CHD6: variants seen among roughly 807,000 people sequenced by gnomAD.
CHD6 encodes the protein ATP-dependent chromatin remodeler CHD6.
A neutral mutation model predicts 276.9 loss-of-function variants in CHD6; 50 were observed. The observed-to-expected ratio is 0.18, with a 90% CI of 0.14 to 0.23. The LOEUF is 0.23. Among genes scored for constraint, CHD6 ranks in the 10% least tolerant of loss-of-function variants. CHD6 has a pLI of 1.00. For synonymous variants in CHD6, 1,173 were observed against 1,229.3 expected (o/e 0.95, Z 0.96); for missense variants, 2,564 against 3,365.8 (o/e 0.76, Z 5.89).
chr20:41,499,480 C>G (rs1601016016), intron 5 of CHD6, 123 bp from the exon 6 acceptor site: 4 of 724,804 alleles, frequency 5.5e-6, no homozygotes, highest in Non-Finnish European at 8.8e-6. Context: ...GTACCAAGGC[C>G]TCCCATCAGG....
At chr20:41,516,724 GA>G (rs1219048533) in intron 3 of CHD6, among the ~76,000 whole-genome samples, 1 of 152,080 alleles carries the variant, frequency 6.6e-6, no homozygotes, top group Admixed American at 6.5e-5. Context: ...GAGCTCAAAG[GA>G]AAAATCAAGG....
At position 41,404,479 on chromosome 20, in the gene CHD6, C is replaced by G. The variant is rs80216136; in HGVS notation, c.*114G>C. 0.017 allele frequency: 23,989 copies of G among 1,389,484 alleles called. 296 individuals are homozygous for G. Among genetic ancestry groups the G allele is most frequent in the East Asian group, 0.05 (2,019 of 40,698 alleles). 86.1% of individuals were successfully genotyped at this position (1,389,484 alleles called of 1,614,324 possible). A position where few individuals can be genotyped will look rare whatever the true frequency, so the allele number is the denominator to read the frequency against. ...TAGTTCTCAGACAGGAAATCAGGTA[C>G]GTAATCTTACTTATGGAAACACAGG... On this transcript the variant is annotated 3_prime_UTR_variant, in exon 37 of 37. Transcript: ENST00000373233.
At position 41,452,336 on chromosome 20, in the gene CHD6, A is replaced by G. The variant is rs1223504394; in HGVS notation, c.3324-311T>C. Among the ~76,000 whole-genome samples the G allele has an allele frequency of 6.6e-6, 1 of 152,254 alleles. No individual in the cohort carries two copies. The highest frequency in any genetic ancestry group is 1.5e-5 in the Non-Finnish European group (1 of 68,056). On this transcript the variant is annotated intron_variant, in intron 21 of 36. Transcript: ENST00000373233. This position sits in a 1 kb window ranked among gnomAD's most constrained non-coding sequence, Gnocchi z 4.2. Reference sequence around the variant, plus strand: ...CAAAAAGAGTCCAACAGCACTATTCAAAAGCAATGATGAGCTCATGGCAGC... The same window carrying G: ...CAAAAAGAGTCCAACAGCACTATTCGAAAGCAATGATGAGCTCATGGCAGC...
At chr20:41,591,377 T>C (rs761328041) in intron 1 of CHD6, among the ~76,000 whole-genome samples, 1,339 of 122,848 alleles carry the variant, frequency 0.011, 6 homozygotes, top group Non-Finnish European at 0.014. Context: ...TATATATATA[T>C]ATACACACAC....
intron 3 of CHD6, among the ~76,000 whole-genome samples, chr20:41,518,541 G>A (rs1290094686): frequency 6.6e-6 from 1 of 152,276 alleles, no homozygotes; most frequent in East Asian, 1.9e-4. Context: ...GGGTTAGGTA[G>A]CCTGGAAATA....
chr20:41,557,567 G>T (rs897731609), intron 1 of CHD6, among the ~76,000 whole-genome samples: 1 of 152,096 alleles, frequency 6.6e-6, no homozygotes, highest in Non-Finnish European at 1.5e-5. Flanking sequence ...TCACAGAAAT[G>T]ATTTAAATTC....
intron 19 of CHD6, among the ~76,000 whole-genome samples, chr20:41,455,324 G>A (rs16985799): frequency 0.03 from 4,603 of 152,278 alleles, 79 homozygotes; most frequent in South Asian, 0.042. Context: ...AAATCCAGTG[G>A]CCTAAACAGC....
intron 3 of CHD6, among the ~76,000 whole-genome samples, chr20:41,525,337 C>T (rs1207355891): frequency 6.6e-6 from 1 of 152,184 alleles, no homozygotes; most frequent in Non-Finnish European, 1.5e-5. Context: ...GCTGACAAAC[C>T]ACACAGCCAT....
In CHD6 at chr20:41,404,835, G is replaced by A; in HGVS notation, c.7906C>T (p.Leu2636=). The A allele has an allele frequency of 6.2e-7, 1 of 1,614,056 alleles. No homozygotes were observed. Among genetic ancestry groups the A allele is most frequent in the Non-Finnish European group, 8.5e-7 (1 of 1,179,978 alleles). Residue 2636 remains leucine (L), a synonymous_variant, in exon 37 of 37, where the codon CTG becomes TTG. Transcript: ENST00000373233. ...TGTCTGGCCTGCTGCATGGCTGGCA[G>A]AGCCATGCCCATACCAGGGGAGAGG... ...MFLSPGMGMA[L]PAMQQARHSE...
At chr20:41,613,806 C>A (rs1032312942) in intron 1 of CHD6, among the ~76,000 whole-genome samples, 9 of 152,076 alleles carry the variant, frequency 5.9e-5, no homozygotes, top group African/African-American at 2.2e-4. Flanking sequence ...AATGGATTGT[C>A]CGCCTATAAA....
intron 1 of CHD6, among the ~76,000 whole-genome samples, chr20:41,594,923 C>A (rs957407002): frequency 3.3e-5 from 5 of 152,360 alleles, no homozygotes; most frequent in Admixed American, 1.3e-4. Context: ...CGGACAGGTG[C>A]AGGTAGCACC....
In CHD6 at chr20:41,449,026, C is replaced by T. The variant is rs1004056672; in HGVS notation, c.3684-1055G>A. On this transcript the variant is annotated intron_variant, in intron 23 of 36. Transcript: ENST00000373233. ...AAGCGGTTCTCCTGCCTCAGCCTCCCGAGTAGCTGGGATTACAGGTGCCCA... is the reference window on the plus strand; with the variant it reads ...AAGCGGTTCTCCTGCCTCAGCCTCCTGAGTAGCTGGGATTACAGGTGCCCA... Among the ~76,000 whole-genome samples the T allele has an allele frequency of 7.9e-5, 12 of 152,062 alleles. No individual in the cohort carries two copies. In the South Asian group the frequency reaches 1.5e-3, roughly 19 times the overall value.
chr20:41,410,577 G>C (rs1569042262), intron 36 of CHD6, among the ~76,000 whole-genome samples: 1 of 152,226 alleles, frequency 6.6e-6, no homozygotes, highest in Non-Finnish European at 1.5e-5. Context: ...GGAAGGCTGA[G>C]CTGCCCGAGG....
At chr20:41,407,463 A>G (rs1443567992) in intron 36 of CHD6, among the ~76,000 whole-genome samples, 1 of 152,254 alleles carries the variant, frequency 6.6e-6, no homozygotes, top group Non-Finnish European at 1.5e-5. Context: ...GAGACTGGCC[A>G]CCAGGCCTGA....
chr20:41,513,547 G>A (rs1407871094), intron 4 of CHD6, among the ~76,000 whole-genome samples: 2 of 152,134 alleles, frequency 1.3e-5, no homozygotes, highest in Non-Finnish European at 2.9e-5. Context: ...CATCTTAAGT[G>A]TGACAAAACA....
chr20:41,522,716 T>C (rs1393706581), intron 3 of CHD6, among the ~76,000 whole-genome samples: 1 of 151,952 alleles, frequency 6.6e-6, no homozygotes, highest in African/African-American at 2.4e-5. Flanking sequence ...TAAGTATATA[T>C]ACATATATAC....
At chr20:41,439,275 G>C (rs1189980862) in intron 26 of CHD6, among the ~76,000 whole-genome samples, 1 of 151,904 alleles carries the variant, frequency 6.6e-6, no homozygotes, top group Non-Finnish European at 1.5e-5. Flanking sequence ...AGAATTGCTT[G>C]AACCTGGGAG....
intron 9 of CHD6, 72 bp from the exon 10 acceptor site, chr20:41,493,744 G>T: frequency 6.3e-7 from 1 of 1,581,446 alleles, no homozygotes; most frequent in Non-Finnish European, 8.7e-7. Flanking sequence ...GCCAACCTCT[G>T]AAAAACCACC....
chr20:41,444,737 T>A (rs2048011672), intron 25 of CHD6, among the ~76,000 whole-genome samples: 1 of 152,168 alleles, frequency 6.6e-6, no homozygotes, highest in South Asian at 2.1e-4. Context: ...CAAGCACTGT[T>A]CTAGGTGGTC....
Sources: gnomAD v4.1 joint callset for allele counts (sites outside exome capture counted in the v4.1 genomes callset) on GRCh38, gnomAD v4.1.1 for gene constraint, Gnocchi (gnomAD v3.1) non-coding constraint, MANE v1.5 for transcripts, NCBI Gene and HGNC (gene_info 2026-07-23, HGNC 2026-07-21) for gene names.